The following ANK2 variants were observed in gnomAD, a reference collection of about 807,000 sequenced individuals.
ANK2 encodes the protein ankyrin-2.
ANK2 carries 83 observed loss-of-function variants against 360.5 expected under a neutral mutation model. That is an observed-to-expected ratio of 0.23 (90% confidence interval 0.19 to 0.28). ANK2 has a LOEUF of 0.28. ANK2 is among the 10% of genes least tolerant of loss of function. ANK2 has a pLI of 1.00. For synonymous variants in ANK2, 1,740 were observed against 1,759.5 expected (o/e 0.99, Z 0.28); for missense variants, 4,201 against 4,795.7 (o/e 0.88, Z 3.66).
intron 1 of ANK2, among the ~76,000 whole-genome samples, chr4:113,103,885 C>G (rs1472855422): frequency 6.6e-6 from 1 of 152,068 alleles, no homozygotes; most frequent in Non-Finnish European, 1.5e-5. Flanking sequence ...GAATAAAATA[C>G]TGATATTTGG....
rs542955018 is a variant in ANK2, at chr4:112,889,530, T to A, written c.-39-14925T>A. Among the ~76,000 whole-genome samples the A allele has an allele frequency of 1.1e-4, 16 of 152,198 alleles. 1 individual carries two copies. The South Asian group carries it at 1.9e-3, about 18-fold the overall frequency. On this transcript the variant is annotated intron_variant, in intron 1 of 30. Transcript: ENST00000503271. ...TGACTCACTTTTTTTGATGCTTTTT[T>A]AAAAATTTAGATTTTTCTATTTTTT... is the stretch of plus-strand genomic sequence containing the variant.
At chr4:112,774,659 G>A in the ANK2 span, among the ~76,000 whole-genome samples, 1 of 152,230 alleles carries the variant, frequency 6.6e-6, no homozygotes, top group Non-Finnish European at 1.5e-5. Context: ...TGGTGGGCAG[G>A]CAGCATTTGA....
chr4:112,931,437 T>TC (rs888066317), intron 2 of ANK2, among the ~76,000 whole-genome samples: 7 of 140,852 alleles, frequency 5.0e-5, no homozygotes, highest in Non-Finnish European at 3.1e-5. Flanking sequence ...TCTTTTCTTT[T>TC]TTTTTTTTTT....
chr4:112,797,648 C>A, the ANK2 span: 33 of 165,814 alleles, frequency 2.0e-4, no homozygotes, highest in Non-Finnish European at 3.8e-4. Flanking sequence ...AATATCACAG[C>A]CAGGTTCGTT....
intron 1 of ANK2, among the ~76,000 whole-genome samples, chr4:112,903,192 C>T (rs567156580): frequency 7.2e-5 from 11 of 152,242 alleles, no homozygotes; most frequent in Admixed American, 3.9e-4. Flanking sequence ...GAGGGGAGCC[C>T]AATAATTTGC....
intron 2 of ANK2, among the ~76,000 whole-genome samples, chr4:113,015,099 C>G (rs2056191379): frequency 6.6e-6 from 1 of 151,808 alleles, no homozygotes; most frequent in Non-Finnish European, 1.5e-5. Flanking sequence ...ACCTCATGAT[C>G]CGCCCGCCTC....
At chr4:113,049,908 A>T in intron 1 of ANK2, 96 bp downstream of exon 1, 1 of 1,430,896 alleles carries the variant, frequency 7.0e-7, no homozygotes, top group Non-Finnish European at 9.7e-7. Flanking sequence ...ACCGTGGAGC[A>T]TTATGAGTAA....
chr4:112,713,759 G>A, the ANK2 span, among the ~76,000 whole-genome samples: 2 of 151,104 alleles, frequency 1.3e-5, no homozygotes, highest in South Asian at 2.1e-4. Flanking sequence ...GTGAAACCCC[G>A]TCTCTACTAA....
chr4:112,749,010 G>A, the ANK2 span, among the ~76,000 whole-genome samples: 536 of 152,172 alleles, frequency 3.5e-3, 5 homozygotes, highest in African/African-American at 0.012. Flanking sequence ...AGCCATTCTC[G>A]GGCCTCGGCC....
chr4:113,349,089 C>G (rs1328184400), intron 36 of ANK2, among the ~76,000 whole-genome samples: 1 of 152,084 alleles, frequency 6.6e-6, no homozygotes, highest in Admixed American at 6.6e-5. Context: ...CGATCTCTCA[C>G]AAACACCTAT....
chr4:113,094,949 G>A (rs1265599232), intron 1 of ANK2, among the ~76,000 whole-genome samples: 1 of 152,172 alleles, frequency 6.6e-6, no homozygotes, highest in Non-Finnish European at 1.5e-5. Flanking sequence ...TAGCATGACT[G>A]GCCTCCAGTG....
intron 11 of ANK2, among the ~76,000 whole-genome samples, chr4:113,257,472 A>G (rs1475770466): frequency 2.0e-5 from 3 of 152,348 alleles, no homozygotes; most frequent in Non-Finnish European, 4.4e-5. Context: ...ATTGGCATAT[A>G]TGTTATAAAA....
chr4:113,367,783 A>T lies in ANK2; in HGVS notation c.11250A>T (p.Gln3750His). ...LFPQTHKEQV[Q>H]QDFSGKMQDL... ...CCCAAACTCACAAGGAGCAAGTTCAACAGGATTTCTCAGGGAAAATGCAAG... is the reference window on the plus strand; with the variant it reads ...CCCAAACTCACAAGGAGCAAGTTCATCAGGATTTCTCAGGGAAAATGCAAG... Residue 3750 changes from glutamine (Q) to histidine (H), a missense_variant, in exon 42 of 46, where the codon CAA becomes CAT. Around this residue, in one of 4 missense-constraint regions of ANK2, gnomAD observed 2,642 missense variants for 2,714.5 expected, o/e 0.97. Coordinates refer to ENST00000357077, the MANE Select transcript of ANK2 (RefSeq NM_001148.6). 1 of 1,614,138 alleles carries T rather than the reference A, an allele frequency of 6.2e-7. No homozygotes were observed. Among genetic ancestry groups the T allele is most frequent in the Non-Finnish European group, 8.5e-7 (1 of 1,179,990 alleles).
the ANK2 span, chr4:112,788,559 T>C: frequency 6.3e-7 from 1 of 1,588,838 alleles, no homozygotes; most frequent in Non-Finnish European, 8.6e-7. Context: ...CTTCTCTTGC[T>C]TTGTCTCTGG....
chr4:113,207,686 C>CAAAAAAA (rs34818513), intron 4 of ANK2, among the ~76,000 whole-genome samples: 321 of 101,214 alleles, frequency 3.2e-3, no homozygotes, highest in Non-Finnish European at 4.4e-3. Flanking sequence ...GATCACAAAG[C>CAAAAAAA]AAAAAAAAAA....
chr4:112,983,715 T>C (rs1056424531), intron 2 of ANK2, among the ~76,000 whole-genome samples: 1 of 152,126 alleles, frequency 6.6e-6, no homozygotes, highest in Admixed American at 6.6e-5. Flanking sequence ...ATTGAACTCC[T>C]TTTATAAGAT....
intron 1 of ANK2, among the ~76,000 whole-genome samples, chr4:112,868,711 G>A (rs1482897259): frequency 6.6e-6 from 1 of 151,928 alleles, no homozygotes; most frequent in South Asian, 2.1e-4. Context: ...AAAAATTAGG[G>A]TATAATTGAC....
intron 1 of ANK2, among the ~76,000 whole-genome samples, chr4:112,819,112 A>G (rs1273965845): frequency 6.6e-6 from 1 of 152,212 alleles, no homozygotes; most frequent in Non-Finnish European, 1.5e-5. Flanking sequence ...TTGGAGAGCA[A>G]AGGAATAAAT....
chr4:113,011,955 C>T (rs967835431), intron 2 of ANK2, among the ~76,000 whole-genome samples: 1 of 151,986 alleles, frequency 6.6e-6, no homozygotes, highest in East Asian at 1.9e-4. Flanking sequence ...TTTCCTAATT[C>T]TGTAGCTGAG....
Sources: allele counts gnomAD v4.1 joint callset (sites outside exome capture counted in the v4.1 genomes callset), GRCh38; gene constraint gnomAD v4.1.1; regional missense constraint gnomAD v4.1.1; transcripts MANE v1.5; gene names NCBI Gene and HGNC (gene_info 2026-07-23, HGNC 2026-07-21).